The following MTUS2 variants were observed in gnomAD, a reference collection of about 807,000 sequenced individuals.
MTUS2 encodes the protein microtubule-associated tumor suppressor candidate 2.
A neutral mutation model predicts 114.1 loss-of-function variants in MTUS2; 40 were observed. The ratio of observed to expected loss-of-function variants is 0.35; its 90% CI spans 0.27 to 0.46. The LOEUF (loss-of-function observed/expected upper bound fraction) is 0.46. MTUS2 is among the 20% of genes least tolerant of loss of function. The pLI is 1.00. For missense variants in MTUS2, 1,679 were observed against 1,705.4 expected (o/e 0.98, Z 0.27); for synonymous variants, 688 against 672.0 (o/e 1.02, Z -0.37).
intron 4 of MTUS2, among the ~76,000 whole-genome samples, chr13:29,043,784 G>GTT (rs1290033975): frequency 1.2e-4 from 1 of 8,152 alleles, no homozygotes. Flanking sequence ...TTTAAAGTCT[G>GTT]ATAGACTTTA....
At chr13:29,149,793 T>C (rs1892594249) in intron 5 of MTUS2, among the ~76,000 whole-genome samples, 1 of 152,216 alleles carries the variant, frequency 6.6e-6, no homozygotes, top group Non-Finnish European at 1.5e-5. Context: ...TTGCTTGTTT[T>C]TGTTAGCTTT....
rs749273066 is a variant in MTUS2 at position 29,392,137 on chromosome 13, A to AAC, written c.3117+32665_3117+32666insCA. On this transcript the variant is annotated intron_variant, in intron 8 of 15. Coordinates refer to ENST00000612955, the MANE Select transcript of MTUS2 (RefSeq NM_001033602.4). ...AGCAAGACTCTGTCTCAAAAAAAAA[A>AAC]AAACAAACCAAAAAAAAAAAAACCA... Among the ~76,000 whole-genome samples the AAC allele has an allele frequency of 1.3e-3, 58 of 45,140 alleles. 1 individual carries two copies. The highest frequency in any genetic ancestry group is 1.3e-3 in the Admixed American group (3 of 2,380). The allele number at this position is 45,140 out of a possible 152,430, so 29.6% of individuals were successfully genotyped here.
chr13:29,264,290 C>T (rs1045842137), intron 5 of MTUS2, among the ~76,000 whole-genome samples: 1 of 152,234 alleles, frequency 6.6e-6, no homozygotes, highest in African/African-American at 2.4e-5. Context: ...GTAGCTCCCC[C>T]ACTGTGGCTT....
intron 2 of MTUS2, among the ~76,000 whole-genome samples, chr13:28,904,572 A>G (rs929968765): frequency 0.011 from 1,706 of 152,190 alleles, 28 homozygotes; most frequent in African/African-American, 0.039. Flanking sequence ...ATAGATATGC[A>G]GCATTATTTC....
At chr13:29,482,952 A>G (rs1593498578) in intron 10 of MTUS2, among the ~76,000 whole-genome samples, 1 of 152,126 alleles carries the variant, frequency 6.6e-6, no homozygotes, top group East Asian at 1.9e-4. Flanking sequence ...GATGAAATGC[A>G]CCCCAGGCCA....
chr13:28,883,942 G>A (rs574054099), intron 2 of MTUS2, among the ~76,000 whole-genome samples: 155 of 152,232 alleles, frequency 1.0e-3, no homozygotes, highest in African/African-American at 3.3e-3. Context: ...TTGGCTGGGG[G>A]GAATGTGAAA....
intron 2 of MTUS2, among the ~76,000 whole-genome samples, chr13:28,880,130 G>C (rs1441180998): frequency 6.6e-6 from 1 of 152,034 alleles, no homozygotes; most frequent in East Asian, 1.9e-4. Context: ...AAAGCATTTT[G>C]GTTAATAATG....
rs1881646302 is a variant in MTUS2 at position 28,932,043 on chromosome 13, T to C, written c.-243+92193T>C. On this transcript the variant is annotated intron_variant, in intron 2 of 15. Coordinates refer to ENST00000612955, the MANE Select transcript of MTUS2 (RefSeq NM_001033602.4). ...GTGGTGAATATGCATACATTCCCAT[T>C]TCATTAGTTCAAATTGACTAACAGC... Among the ~76,000 whole-genome samples the C allele has an allele frequency of 6.6e-5, 10 of 152,332 alleles. No individual in the cohort carries two copies. In the South Asian group the frequency reaches 2.1e-3, roughly 32 times the overall value.
At chr13:29,432,162 G>A (rs2138645217) in intron 8 of MTUS2, among the ~76,000 whole-genome samples, 1 of 152,044 alleles carries the variant, frequency 6.6e-6, no homozygotes. Context: ...CAAAGACCCA[G>A]GTTTTTAAAC....
At position 29,359,365 on chromosome 13, in the gene MTUS2, G is replaced by A. The variant is rs1249174003; in HGVS notation, c.3009G>A (p.Glu1003=). Residue 1003 remains glutamate, a synonymous_variant, in exon 8 of 16, where the codon GAG becomes GAA. Coordinates refer to ENST00000612955, the MANE Select transcript of MTUS2 (RefSeq NM_001033602.4). ...AERQLVLRLK[E]RCEQQTRQLG... The stretch of plus-strand genomic sequence containing the variant: ...GGCAGCTGGTGCTGCGGCTGAAGGA[G>A]CGGTGTGAGCAGCAGACCAGACAGC... 6.2e-7 allele frequency: 1 copy of A among 1,613,030 alleles called. No individual in the cohort carries two copies. The highest frequency in any genetic ancestry group is 1.3e-5 in the African/African-American group (1 of 75,076).
intron 2 of MTUS2, among the ~76,000 whole-genome samples, chr13:28,860,276 G>A (rs950420996): frequency 3.3e-5 from 5 of 152,152 alleles, no homozygotes; most frequent in East Asian, 1.9e-4. Context: ...GAGAAATGAG[G>A]CAGCATTTCT....
At chr13:29,231,262 G>A (rs1285470180) in intron 5 of MTUS2, among the ~76,000 whole-genome samples, 1 of 152,098 alleles carries the variant, frequency 6.6e-6, no homozygotes. Context: ...ATCCCCAGGA[G>A]GAAAATTTTA....
intron 2 of MTUS2, among the ~76,000 whole-genome samples, chr13:28,990,081 T>A (rs1296816439): frequency 6.6e-6 from 1 of 152,096 alleles, no homozygotes; most frequent in Non-Finnish European, 1.5e-5. Context: ...GTCTTGTGGA[T>A]TGGGGCTTCA....
intron 4 of MTUS2, among the ~76,000 whole-genome samples, chr13:29,095,591 C>T (rs1890144458): frequency 6.6e-6 from 1 of 151,838 alleles, no homozygotes; most frequent in African/African-American, 2.4e-5. Context: ...GCTTCTGAAA[C>T]ATCCATTCTC....
At chr13:29,101,876 G>C (rs968982825) in intron 5 of MTUS2, among the ~76,000 whole-genome samples, 2 of 152,174 alleles carry the variant, frequency 1.3e-5, no homozygotes, top group Admixed American at 1.3e-4. Flanking sequence ...TTTATTCTCT[G>C]TTCTTTCTTG....
chr13:28,926,656 G>A lies in MTUS2; in HGVS notation c.-243+86806G>A, dbSNP rs73437296. On this transcript the variant is annotated intron_variant, in intron 2 of 15. Coordinates refer to ENST00000612955, the MANE Select transcript of MTUS2 (RefSeq NM_001033602.4). ...TCAAACTTATTTATTAAAAATAAAC[G>A]TACAGGCTTAATTTTGGTAGTTGAT... Among the ~76,000 whole-genome samples the A allele has an allele frequency of 7.4e-3, 1,125 of 152,170 alleles. 18 individuals are homozygous for A. The highest frequency in any genetic ancestry group is 0.025 in the African/African-American group (1,049 of 41,516).
chr13:29,045,646 G>C (rs901421250), intron 4 of MTUS2, among the ~76,000 whole-genome samples: 2 of 152,210 alleles, frequency 1.3e-5, no homozygotes, highest in African/African-American at 4.8e-5. Context: ...ATGGTGGAGA[G>C]ATCTGGGAGG....
chr13:29,179,009 T>C (rs9508306), intron 5 of MTUS2, among the ~76,000 whole-genome samples: 112,650 of 152,160 alleles, frequency 0.74, 41,795 homozygotes, highest in East Asian at 0.8. Context: ...GGCTGCCTAC[T>C]TTCCACTGTT....
chr13:29,337,790 TTGG>T (rs1226306956), intron 7 of MTUS2, among the ~76,000 whole-genome samples: 66 of 137,116 alleles, frequency 4.8e-4, no homozygotes, highest in African/African-American at 1.8e-3. Context: ...TTTGTTTGTT[TTGG>T]TTTTTTTTTT....
Sources: allele counts gnomAD v4.1 joint callset (sites outside exome capture counted in the v4.1 genomes callset), GRCh38; gene constraint gnomAD v4.1.1; transcripts MANE v1.5; gene names NCBI Gene and HGNC (gene_info 2026-07-23, HGNC 2026-07-21).